The following CILK1 variants were observed in gnomAD, a reference collection of about 807,000 sequenced individuals.
The protein encoded by CILK1 is ciliogenesis associated kinase 1.
In CILK1, 47 loss-of-function variants were observed where a neutral mutation model predicts 79.2. The ratio of observed to expected loss-of-function variants is 0.59; its 90% confidence interval spans 0.47 to 0.76. CILK1 has a LOEUF of 0.76. Ranked by LOEUF, CILK1 falls within the 30% of genes least tolerant of loss-of-function variation. CILK1 has a pLI of 0.00. For missense variants in CILK1, 660 were observed against 769.5 expected (o/e 0.86, Z 1.68); for synonymous variants, 266 against 275.9 (o/e 0.96, Z 0.36).
At chr6:53,018,538 C>T (rs1765028727) in intron 6 of CILK1, 37 bp from the exon 7 acceptor site, 2 of 1,588,996 alleles carry the variant, frequency 1.3e-6, no homozygotes, top group Non-Finnish European at 1.7e-6. Context: ...CTATTGCTTC[C>T]ACCACTCAGA....
Position 53,031,053 on chromosome 6 carries a change from C to G in CILK1, c.358+12G>C. ...ACTGCTCTTCAAAAGCACAACACTC[C>G]GAATCACCTACCGTGTTTGTGAATA... On this transcript the variant is annotated intron_variant, in intron 5 of 13. Transcript: ENST00000676107. 6.4e-7 allele frequency: 1 copy of G among 1,551,286 alleles called. No homozygotes were observed. Among genetic ancestry groups the G allele is most frequent in the Non-Finnish European group, 8.9e-7 (1 of 1,123,074 alleles).
intron 2 of CILK1, among the ~76,000 whole-genome samples, chr6:53,040,486 C>T (rs1766628341): frequency 6.6e-6 from 1 of 152,220 alleles, no homozygotes; most frequent in Non-Finnish European, 1.5e-5. Context: ...CATAGATCAA[C>T]TCACAATCAC....
intron 5 of CILK1, 141 bp from the exon 6 acceptor site, chr6:53,019,500 C>T: frequency 1.2e-6 from 1 of 841,050 alleles, no homozygotes; most frequent in South Asian, 1.5e-5. Context: ...ATTCATCCCA[C>T]AGATAATGTA....
At chr6:53,054,837 C>T (rs978865758) in intron 1 of CILK1, 1 of 152,256 alleles carries the variant, frequency 6.6e-6, no homozygotes, top group Non-Finnish European at 1.5e-5. Flanking sequence ...CTCCCCTCAG[C>T]GTCAATCCTC....
chr6:53,019,244 A>T lies in CILK1; in HGVS notation c.474T>A (p.Asp158Glu). ...REIRSKPPYT[D>E]YVSTRWYRAP... ...GTATTCACCATCTGGTAGATACATA[A>T]TCTGTATATGGAGGTTTTGATCGTA... The change falls in exon 6 of 14, where the codon GAT (aspartate) becomes GAA (glutamate). Residue 158 changes from aspartate to glutamate, a missense_variant. Asp to Glu is a conservative substitution (Grantham distance 45). Coordinates refer to ENST00000676107, the MANE Select transcript of CILK1 (RefSeq NM_014920.5). 3 of 1,613,892 alleles carry T rather than the reference A, an allele frequency of 1.9e-6. No homozygotes were observed. Among genetic ancestry groups the T allele is most frequent in the South Asian group, 1.1e-5 (1 of 91,066 alleles).
At chr6:53,007,843 GGC>G (rs1261553505) in intron 12 of CILK1, among the ~76,000 whole-genome samples, 1 of 151,922 alleles carries the variant, frequency 6.6e-6, no homozygotes, top group Non-Finnish European at 1.5e-5. Flanking sequence ...GGGAGGCTGA[GGC>G]AGGAGAATTG....
chr6:53,041,285 G>T lies in CILK1; in HGVS notation c.-49C>A, dbSNP rs1766694111. 4 of 1,322,044 alleles carry T rather than the reference G, an allele frequency of 3.0e-6. No homozygotes were observed. Among genetic ancestry groups the T allele is most frequent in the African/African-American group, 1.4e-5 (1 of 69,376 alleles). 81.9% of individuals were successfully genotyped at this position (1,322,044 alleles called of 1,614,324 possible). A position where few individuals can be genotyped will look rare whatever the true frequency, so the allele number is the denominator to read the frequency against. On this transcript the variant is annotated 5_prime_UTR_variant, in exon 2 of 14. In the 5' UTR this introduces an upstream ATG that the reference lacks. Coordinates refer to ENST00000676107, the MANE Select transcript of CILK1 (RefSeq NM_014920.5). ...CTCATCTCACGGCCGAAGTGGTTCA[G>T]TTCTGCAGTGGTAGCAGTCCTCCCC... is the stretch of plus-strand genomic sequence containing the variant.
intron 6 of CILK1, 22 bp downstream of exon 6, chr6:53,019,205 T>A: frequency 6.2e-7 from 1 of 1,604,512 alleles, no homozygotes; most frequent in Middle Eastern, 1.7e-4. Flanking sequence ...AATTAAATAA[T>A]TTTGAGAAAA....
intron 1 of CILK1, among the ~76,000 whole-genome samples, chr6:53,042,346 T>C (rs944653654): frequency 1.3e-5 from 2 of 152,252 alleles, no homozygotes; most frequent in Non-Finnish European, 2.9e-5. Flanking sequence ...CTGTGGTCGA[T>C]GAAAATTGCC....
intron 9 of CILK1, 21 bp from the exon 10 acceptor site, chr6:53,012,248 G>C: frequency 6.2e-7 from 1 of 1,612,340 alleles, no homozygotes; most frequent in East Asian, 2.2e-5. Context: ...AAACGGGGTG[G>C]GGGAAAGCAA....
chr6:53,028,526 A>G (rs527989779), intron 5 of CILK1, among the ~76,000 whole-genome samples: 1 of 152,332 alleles, frequency 6.6e-6, no homozygotes, highest in Non-Finnish European at 1.5e-5. Context: ...AAGACTAGAT[A>G]ACACCTATTC....
At chr6:53,022,496 T>C (rs1765309963) in intron 5 of CILK1, among the ~76,000 whole-genome samples, 1 of 152,228 alleles carries the variant, frequency 6.6e-6, no homozygotes, top group African/African-American at 2.4e-5. Flanking sequence ...CTATACCATA[T>C]AGTCCAGCTA....
At position 53,003,764 on chromosome 6, in the gene CILK1, A is replaced by C. The variant is rs946207271; in HGVS notation, c.*1385T>G. 1 of 152,624 alleles carries C rather than the reference A, an allele frequency of 6.6e-6. No homozygotes were observed. Among genetic ancestry groups the C allele is most frequent in the East Asian group, 1.9e-4 (1 of 5,182 alleles). 9.5% of individuals were successfully genotyped at this position (152,624 alleles called of 1,614,324 possible). On this transcript the variant is annotated 3_prime_UTR_variant, in exon 14 of 14. Coordinates refer to ENST00000676107, the MANE Select transcript of CILK1 (RefSeq NM_014920.5). ...TAAAAGATTACTTACATATGGTTCA[A>C]TTTGTCATTATCCTGGAACCAATAG... is the stretch of plus-strand genomic sequence containing the variant.
chr6:53,016,028 A>G, intron 8 of CILK1, 55 bp downstream of exon 8: 1 of 1,535,026 alleles, frequency 6.5e-7, no homozygotes, highest in Non-Finnish European at 9.0e-7. Context: ...TGTGCAATTC[A>G]TAGAAATTAT....
intron 5 of CILK1, among the ~76,000 whole-genome samples, chr6:53,023,693 A>T (rs537437781): frequency 6.8e-4 from 103 of 152,340 alleles, no homozygotes; most frequent in African/African-American, 2.4e-3. Context: ...TGATGTGGTT[A>T]TATGTGAAAA....
Position 53,041,093 on chromosome 6 carries a change from G to C in CILK1, c.101+43C>G, listed in dbSNP as rs140470213. On this transcript the variant is annotated intron_variant, in intron 2 of 13. Coordinates refer to ENST00000676107, the MANE Select transcript of CILK1 (RefSeq NM_014920.5). ...CTGTTACAAAGACGGGTAATGGTGAGGGTAGAGTTAAAATTATCATGGCAG... is the reference window on the plus strand; with the variant it reads ...CTGTTACAAAGACGGGTAATGGTGACGGTAGAGTTAAAATTATCATGGCAG... 907 of 1,286,620 alleles carry C rather than the reference G, an allele frequency of 7.0e-4. 7 individuals carry two copies. The East Asian group carries it at 0.015, about 22-fold the overall frequency. The allele number at this position is 1,286,620 out of a possible 1,614,324, so 79.7% of individuals were successfully genotyped here.
At position 53,013,824 on chromosome 6, in the gene CILK1, G is replaced by A. The variant is rs377283443; in HGVS notation, c.990C>T (p.His330=). The stretch of plus-strand genomic sequence containing the variant: ...GATGCTGTCGTGAAGAAATTCGTGT[G>A]TGTGGCTTGGCTGGTGGCTGGGCAG... ...VPPAQPPAKP[H]TRISSRQHQA... is the part of the protein sequence containing the mutation. Residue 330 remains histidine (H), a synonymous_variant, in exon 9 of 14, where the codon CAC becomes CAT. Coordinates refer to ENST00000676107, the MANE Select transcript of CILK1 (RefSeq NM_014920.5). 3 of 1,613,788 alleles carry A rather than the reference G, an allele frequency of 1.9e-6. No individual in the cohort carries two copies. In the African/African-American group the frequency reaches 4.0e-5, roughly 22 times the overall value.
At chr6:53,047,181 C>A (rs559868167) in intron 1 of CILK1, among the ~76,000 whole-genome samples, 2 of 152,130 alleles carry the variant, frequency 1.3e-5, no homozygotes, top group Non-Finnish European at 2.9e-5. Flanking sequence ...GGGCTGGGTA[C>A]GAGGCTAGAG....
Position 53,004,572 on chromosome 6 carries a change from G to C in CILK1, c.*577C>G, listed in dbSNP as rs1764112601. 2 of 153,344 alleles carry C rather than the reference G, an allele frequency of 1.3e-5. No individual in the cohort carries two copies. Among genetic ancestry groups the C allele is most frequent in the Non-Finnish European group, 2.9e-5 (2 of 68,638 alleles). 9.5% of individuals were successfully genotyped at this position (153,344 alleles called of 1,614,324 possible). A position where few individuals can be genotyped will look rare whatever the true frequency, so the allele number is the denominator to read the frequency against. On this transcript the variant is annotated 3_prime_UTR_variant, in exon 14 of 14. Transcript: ENST00000676107. Reference sequence around the variant, plus strand: ...ATAGTCCTTTTAGAACAGCAGAGTGGTATCCAAAAATCAAACCAATGACCT... The same window carrying C: ...ATAGTCCTTTTAGAACAGCAGAGTGCTATCCAAAAATCAAACCAATGACCT...
Sources: allele counts gnomAD v4.1 joint callset (sites outside exome capture counted in the v4.1 genomes callset), GRCh38; gene constraint gnomAD v4.1.1; transcripts MANE v1.5; gene names NCBI Gene and HGNC (gene_info 2026-07-23, HGNC 2026-07-21).